Variants in RERG observed in about 807,000 individuals in gnomAD.
RERG encodes the protein RAS like estrogen regulated growth inhibitor.
A neutral mutation model predicts 23.2 loss-of-function variants in RERG; 25 were observed. That is an observed-to-expected ratio of 1.08 (90% CI 0.79 to 1.50). The LOEUF is 1.50. RERG is among the 40% of genes most tolerant of loss of function. The probability of loss-of-function intolerance (pLI) is 0.00; values close to 1 mark genes in which losing one functional copy is unlikely to be tolerated. For synonymous variants in RERG, 81 were observed against 89.1 expected, an observed-to-expected ratio of 0.91 and a Z score of 0.51; for missense variants, 253 against 250.1, an observed-to-expected ratio of 1.01 and a Z score of -0.08.
intron 3 of RERG, among the ~76,000 whole-genome samples, chr12:15,115,933 A>G (rs1416890801): frequency 1.3e-5 from 2 of 152,180 alleles, no homozygotes; most frequent in African/African-American, 4.8e-5. Context: ...CAAAAAGTAA[A>G]ATTTAAAAAT....
At chr12:15,123,666 C>T (rs975849626) in intron 2 of RERG, among the ~76,000 whole-genome samples, 23 of 149,770 alleles carry the variant, frequency 1.5e-4, no homozygotes, top group Admixed American at 1.5e-3. Flanking sequence ...ATTATTAATA[C>T]ATTAATAATC....
At chr12:15,118,280 T>C (rs1565507363) in intron 3 of RERG, among the ~76,000 whole-genome samples, 4 of 152,100 alleles carry the variant, frequency 2.6e-5, no homozygotes, top group African/African-American at 4.8e-5. Flanking sequence ...ATTTTCTTCA[T>C]TGAATTATTT....
intron 2 of RERG, among the ~76,000 whole-genome samples, chr12:15,147,525 T>C (rs988825920): frequency 6.6e-6 from 1 of 152,192 alleles, no homozygotes; most frequent in African/African-American, 2.4e-5. Context: ...AGCAAGGAAA[T>C]TGAAACTTTG....
intron 2 of RERG, among the ~76,000 whole-genome samples, chr12:15,150,909 A>G (rs144806575): frequency 5.7e-4 from 87 of 152,358 alleles, no homozygotes; most frequent in African/African-American, 1.7e-3. Flanking sequence ...TTCTGTGCTA[A>G]ATAAATGGCT....
intron 3 of RERG, among the ~76,000 whole-genome samples, chr12:15,115,617 C>T (rs746540952): frequency 6.6e-6 from 1 of 151,342 alleles, no homozygotes; most frequent in African/African-American, 2.4e-5. Flanking sequence ...AAATCATTAA[C>T]CAACCAACCA....
intron 2 of RERG, among the ~76,000 whole-genome samples, chr12:15,173,194 A>G (rs888944903): frequency 1.3e-5 from 2 of 152,010 alleles, no homozygotes; most frequent in Non-Finnish European, 2.9e-5. Flanking sequence ...TTTTGCATTC[A>G]GTTATCCCAG....
chr12:15,161,639 C>A (rs1464385438), intron 2 of RERG, among the ~76,000 whole-genome samples: 10 of 152,122 alleles, frequency 6.6e-5, no homozygotes, highest in Non-Finnish European at 1.5e-4. Flanking sequence ...TATCAAGCAC[C>A]TATTTTGAAT....
At chr12:15,215,637 A>T (rs1362925397) in intron 2 of RERG, among the ~76,000 whole-genome samples, 1 of 152,236 alleles carries the variant, frequency 6.6e-6, no homozygotes, top group East Asian at 1.9e-4. Context: ...GGAGAGTTAA[A>T]AAAAGATAAG....
At chr12:15,168,418 C>A (rs776396634) in intron 2 of RERG, among the ~76,000 whole-genome samples, 1 of 152,130 alleles carries the variant, frequency 6.6e-6, no homozygotes, top group Non-Finnish European at 1.5e-5. Flanking sequence ...AGAGGTTTTT[C>A]AGTTTTGAAA....
chr12:15,200,610 G>A (rs1039998946), intron 2 of RERG, among the ~76,000 whole-genome samples: 7 of 151,800 alleles, frequency 4.6e-5, no homozygotes. Context: ...CCCTTTGTAG[G>A]GGCTTGATTC....
At chr12:15,129,410 T>C (rs1440078008) in intron 2 of RERG, among the ~76,000 whole-genome samples, 1 of 152,142 alleles carries the variant, frequency 6.6e-6, no homozygotes, top group Non-Finnish European at 1.5e-5. Context: ...ATGCAATAAT[T>C]TTCAAATGCT....
At chr12:15,195,789 C>A (rs1487625154) in intron 2 of RERG, among the ~76,000 whole-genome samples, 1 of 152,026 alleles carries the variant, frequency 6.6e-6, no homozygotes, top group Non-Finnish European at 1.5e-5. Flanking sequence ...AATATGCCAC[C>A]CACCTTCCTG....
chr12:15,206,209 T>G (rs1289271055), intron 2 of RERG, among the ~76,000 whole-genome samples: 1 of 152,094 alleles, frequency 6.6e-6, no homozygotes, highest in Non-Finnish European at 1.5e-5. Flanking sequence ...TTAAACAAAA[T>G]TCACCCTTCT....
chr12:15,137,153 A>G (rs1234210094), intron 2 of RERG, among the ~76,000 whole-genome samples: 1 of 151,844 alleles, frequency 6.6e-6, no homozygotes, highest in East Asian at 1.9e-4. Context: ...TTTTATCATC[A>G]TGTAATGTTC....
chr12:15,220,186 AAG>A (rs1470176149), intron 1 of RERG, among the ~76,000 whole-genome samples: 1 of 152,226 alleles, frequency 6.6e-6, no homozygotes, highest in Non-Finnish European at 1.5e-5. Context: ...ACGTGGATCT[AAG>A]AAAATCCATT....
intron 2 of RERG, among the ~76,000 whole-genome samples, chr12:15,216,026 T>C (rs1410094562): frequency 6.6e-6 from 1 of 152,304 alleles, no homozygotes; most frequent in African/African-American, 2.4e-5. Context: ...AAGGAATAAA[T>C]GGTCAGCCTC....
At chr12:15,142,676 C>A (rs774297909) in intron 2 of RERG, among the ~76,000 whole-genome samples, 31 of 151,876 alleles carry the variant, frequency 2.0e-4, no homozygotes, top group Non-Finnish European at 3.8e-4. Flanking sequence ...AATAATAATA[C>A]TTTGGGTCTC....
intron 2 of RERG, among the ~76,000 whole-genome samples, chr12:15,212,343 G>A (rs1865380022): frequency 6.6e-6 from 1 of 151,836 alleles, no homozygotes; most frequent in Admixed American, 6.6e-5. Flanking sequence ...ACAGGCGTGA[G>A]CCACCGCGCC....
At chr12:15,161,027 C>T (rs543439335) in intron 2 of RERG, among the ~76,000 whole-genome samples, 13 of 151,846 alleles carry the variant, frequency 8.6e-5, no homozygotes, top group African/African-American at 2.4e-4. Flanking sequence ...CACAGCTACC[C>T]GGGAGGTTGA....
Sources: gnomAD v4.1 joint callset for allele counts (sites outside exome capture counted in the v4.1 genomes callset) on GRCh38, gnomAD v4.1.1 for gene constraint, MANE v1.5 for transcripts, NCBI Gene and HGNC (gene_info 2026-07-23, HGNC 2026-07-21) for gene names.